The following AGMO variants were observed in gnomAD, a reference collection of about 807,000 sequenced individuals.
The protein encoded by AGMO is alkylglycerol monooxygenase.
A neutral mutation model predicts 60.2 loss-of-function variants in AGMO; 75 were observed. The ratio of observed to expected loss-of-function variants is 1.25; its 90% CI spans 1.03 to 1.51. The LOEUF (loss-of-function observed/expected upper bound fraction) is 1.51. Among genes scored for constraint, AGMO ranks in the 40% most tolerant of loss-of-function variants. The probability of loss-of-function intolerance (pLI) is 0.00; values close to 1 mark genes in which losing one functional copy is unlikely to be tolerated. For missense variants in AGMO, 763 were observed against 525.5 expected (o/e 1.45, Z -4.42); for synonymous variants, 261 against 177.1 (o/e 1.47, Z -3.76).
chr7:15,329,910 G>A (rs551952693), intron 12 of AGMO, among the ~76,000 whole-genome samples: 1 of 152,228 alleles, frequency 6.6e-6, no homozygotes, highest in East Asian at 1.9e-4. Context: ...AGTTAACAGA[G>A]TAGCAGCACT....
chr7:15,434,988 TTTTCATTTAGCATAATGCA>T (rs1781360366), intron 3 of AGMO, among the ~76,000 whole-genome samples: 1 of 152,040 alleles, frequency 6.6e-6, no homozygotes, highest in African/African-American at 2.4e-5. Flanking sequence ...CTGTTGTCTT[TTTTCATTTAGCATAATGCA>T]TTGAAGATCC....
the AGMO span, among the ~76,000 whole-genome samples, chr7:15,144,329 C>T: frequency 2.6e-5 from 4 of 152,190 alleles, no homozygotes; most frequent in African/African-American, 9.6e-5. Flanking sequence ...TTGATTTATA[C>T]AGAACAATGA....
chr7:15,385,359 G>A (rs1783868632), intron 10 of AGMO, 87 bp downstream of exon 10: 2 of 893,542 alleles, frequency 2.2e-6, no homozygotes, highest in Admixed American at 2.2e-5. Context: ...GAGAATATAT[G>A]ACAGCCTTAA....
intron 12 of AGMO, among the ~76,000 whole-genome samples, chr7:15,239,805 T>C (rs1208761913): frequency 6.6e-6 from 1 of 152,132 alleles, no homozygotes; most frequent in Non-Finnish European, 1.5e-5. Context: ...GGTGAACATA[T>C]TTTGAACACA....
chr7:15,183,144 A>G, the AGMO span, among the ~76,000 whole-genome samples: 6 of 149,782 alleles, frequency 4.0e-5, no homozygotes, highest in Admixed American at 2.0e-4. Flanking sequence ...TTTTTTTATA[A>G]TGATGGCATA....
At chr7:15,318,456 A>G (rs1781008199) in intron 12 of AGMO, among the ~76,000 whole-genome samples, 1 of 152,214 alleles carries the variant, frequency 6.6e-6, no homozygotes, top group Non-Finnish European at 1.5e-5. Flanking sequence ...GGATCAGTTT[A>G]AAGATAAAAA....
chr7:15,347,228 A>G (rs1451385821), intron 12 of AGMO, among the ~76,000 whole-genome samples: 2 of 152,064 alleles, frequency 1.3e-5, no homozygotes, highest in African/African-American at 2.4e-5. Flanking sequence ...ATACATACAT[A>G]GATTAAAGGA....
intron 12 of AGMO, among the ~76,000 whole-genome samples, chr7:15,347,538 C>G (rs1782076926): frequency 6.6e-6 from 1 of 152,046 alleles, no homozygotes. Flanking sequence ...TGTCTTATAG[C>G]TTAAAATAAT....
At chr7:15,511,300 G>A (rs952960058) in intron 3 of AGMO, among the ~76,000 whole-genome samples, 2 of 152,064 alleles carry the variant, frequency 1.3e-5, no homozygotes, top group Non-Finnish European at 2.9e-5. Flanking sequence ...TGAAAGCAAA[G>A]TACCTGTAAA....
intron 12 of AGMO, among the ~76,000 whole-genome samples, chr7:15,321,526 G>A (rs368035524): frequency 6.6e-6 from 1 of 152,184 alleles, no homozygotes. Flanking sequence ...TTTGAGGGGA[G>A]TAGAGCCAGA....
chr7:15,375,950 T>C (rs1783436395), intron 10 of AGMO, among the ~76,000 whole-genome samples: 1 of 152,130 alleles, frequency 6.6e-6, no homozygotes, highest in Non-Finnish European at 1.5e-5. Context: ...AAAGTTAACA[T>C]TCTATTATTT....
intron 5 of AGMO, among the ~76,000 whole-genome samples, chr7:15,395,224 T>C (rs1472138470): frequency 6.6e-6 from 1 of 152,146 alleles, no homozygotes; most frequent in Non-Finnish European, 1.5e-5. Context: ...GGAGGACATA[T>C]GAGGAATAAA....
intron 10 of AGMO, among the ~76,000 whole-genome samples, chr7:15,370,343 G>C (rs543619443): frequency 1.3e-5 from 2 of 152,278 alleles, no homozygotes; most frequent in East Asian, 3.9e-4. Context: ...TTGCTATTGT[G>C]AATAATGCTG....
At chr7:15,232,789 C>CCACACA (rs1028271575) in intron 12 of AGMO, among the ~76,000 whole-genome samples, 1 of 88,544 alleles carries the variant, frequency 1.1e-5, no homozygotes, top group Admixed American at 1.4e-4. Flanking sequence ...AACATGGAAA[C>CCACACA]CACACACACA....
chr7:15,147,829 TG>T, the AGMO span, among the ~76,000 whole-genome samples: 4 of 152,264 alleles, frequency 2.6e-5, no homozygotes, highest in South Asian at 8.3e-4. Flanking sequence ...CCTGAAAAAT[TG>T]TAATGGTAAA....
At chr7:15,398,414 T>G (rs576768095) in intron 5 of AGMO, among the ~76,000 whole-genome samples, 2 of 152,236 alleles carry the variant, frequency 1.3e-5, no homozygotes, top group East Asian at 3.9e-4. Flanking sequence ...ACAGATAAAT[T>G]TCCTGGTAGT....
At chr7:15,140,632 C>G in the AGMO span, among the ~76,000 whole-genome samples, 1 of 151,994 alleles carries the variant, frequency 6.6e-6, no homozygotes, top group African/African-American at 2.4e-5. Flanking sequence ...TTTTCTAGTT[C>G]ATCGGTTCTC....
At chr7:15,433,168 G>T (rs756242234) in intron 3 of AGMO, among the ~76,000 whole-genome samples, 2 of 152,046 alleles carry the variant, frequency 1.3e-5, no homozygotes, top group African/African-American at 2.4e-5. Context: ...GTTAACAAGA[G>T]GATGAGCTAA....
At chr7:15,425,954 T>G (rs1781050894) in intron 4 of AGMO, among the ~76,000 whole-genome samples, 1 of 152,202 alleles carries the variant, frequency 6.6e-6, no homozygotes, top group South Asian at 2.1e-4. Flanking sequence ...TTATTATGCT[T>G]TTGAGAGAAA....
Sources: allele counts gnomAD v4.1 joint callset (sites outside exome capture counted in the v4.1 genomes callset), GRCh38; gene constraint gnomAD v4.1.1; transcripts MANE v1.5; gene names NCBI Gene and HGNC (gene_info 2026-07-23, HGNC 2026-07-21).